PSME4: variants seen among roughly 807,000 people sequenced by gnomAD.
PSME4 encodes proteasome activator subunit 4.
In PSME4, 89 loss-of-function variants were observed where a neutral mutation model predicts 253.9. That is an observed-to-expected ratio of 0.35 (90% CI 0.30 to 0.42). The LOEUF (loss-of-function observed/expected upper bound fraction) is 0.42, where lower values mean the gene tolerates loss of function less well. Among genes scored for constraint, PSME4 ranks in the 10% least tolerant of loss-of-function variants. PSME4 has a pLI of 1.00. For missense variants in PSME4, 2,014 were observed against 2,195.2 expected, an observed-to-expected ratio of 0.92 and a Z score of 1.65; for synonymous variants, 851 against 759.2, an observed-to-expected ratio of 1.12 and a Z score of -1.99.
At chr2:53,901,591 T>C (rs778918510) in intron 27 of PSME4, 32 bp from the exon 28 acceptor site, 8 of 1,548,806 alleles carry the variant, frequency 5.2e-6, no homozygotes, top group Non-Finnish European at 7.1e-6. Context: ...TATGTTTACA[T>C]GGGAAATAAG....
chr2:53,908,080 T>C (rs1667651499), intron 24 of PSME4: 1 of 452,314 alleles, frequency 2.2e-6, no homozygotes, highest in Non-Finnish European at 3.9e-6. Context: ...ATTGTCCAAA[T>C]TCCCATTGAG....
rs752768852 is a variant in PSME4 at position 53,887,435 on chromosome 2, G to A, written c.4553C>T (p.Ser1518Phe). 3.1e-6 allele frequency: 5 copies of A among 1,613,724 alleles called. No homozygotes were observed. The highest frequency in any genetic ancestry group is 4.2e-6 in the Non-Finnish European group (5 of 1,179,700). The change falls in exon 40 of 47, where the codon TCT becomes TTT. Residue 1518 changes from serine (S) to phenylalanine (F), a missense_variant. By Grantham distance (155) the Ser-to-Phe change is radical. This residue lies in a region of PSME4 where 403 missense variants were observed against 556.1 expected (regional missense o/e 0.72). Transcript: ENST00000404125. Reference sequence around the variant, plus strand: ...TATGGTTGGTGTGGTATTTGGCAAAGATACATCTATCATGAATATGTAGGT... The same window carrying A: ...TATGGTTGGTGTGGTATTTGGCAAAAATACATCTATCATGAATATGTAGGT... ...VLTYIFMIDV[S>F]LPNTTPTISP...
intron 20 of PSME4, among the ~76,000 whole-genome samples, chr2:53,910,845 A>G (rs1558675266): frequency 1.3e-5 from 2 of 152,228 alleles, no homozygotes; most frequent in Non-Finnish European, 2.9e-5. Context: ...TCAATTTTCA[A>G]TACTTTATTT....
At chr2:53,918,288 AAATT>A (rs1668147237) in intron 20 of PSME4, among the ~76,000 whole-genome samples, 1 of 152,212 alleles carries the variant, frequency 6.6e-6, no homozygotes, top group South Asian at 2.1e-4. Context: ...TAGTATATTT[AAATT>A]ATTATCTATC....
intron 20 of PSME4, among the ~76,000 whole-genome samples, chr2:53,918,528 A>T (rs1286586575): frequency 1.3e-5 from 2 of 152,022 alleles, no homozygotes; most frequent in African/African-American, 4.8e-5. Flanking sequence ...TTTTTTGTAG[A>T]GACGGGTTTG....
intron 31 of PSME4, 88 bp downstream of exon 31, chr2:53,897,782 A>C: frequency 7.2e-7 from 1 of 1,379,966 alleles, no homozygotes; most frequent in Non-Finnish European, 1.0e-6. Flanking sequence ...TTTATTAACC[A>C]AGTGTGTATT....
chr2:53,925,408 A>C, intron 14 of PSME4, 131 bp downstream of exon 14: 1 of 935,940 alleles, frequency 1.1e-6, no homozygotes, highest in Non-Finnish European at 1.5e-6. Context: ...GCAACTGTAC[A>C]TTTCTTTAAA....
At position 53,949,118 on chromosome 2, in the gene PSME4, C is replaced by T. The variant is rs958531787; in HGVS notation, c.383+25G>A. Reference sequence around the variant, plus strand: ...CCCTGAAGAAACAAACAAACCTTAACAGAAACCTCTGGAAAAAGACTTACT... The same window carrying T: ...CCCTGAAGAAACAAACAAACCTTAATAGAAACCTCTGGAAAAAGACTTACT... On this transcript the variant is annotated intron_variant, in intron 2 of 46. Coordinates refer to ENST00000404125, the MANE Select transcript of PSME4 (RefSeq NM_014614.3). 8 of 1,561,286 alleles carry T rather than the reference C, an allele frequency of 5.1e-6. No homozygotes were observed. In the African/African-American group the frequency reaches 9.6e-5, roughly 19 times the overall value.
At chr2:53,947,551 A>G (rs1669775586) in intron 3 of PSME4, among the ~76,000 whole-genome samples, 1 of 151,924 alleles carries the variant, frequency 6.6e-6, no homozygotes, top group South Asian at 2.1e-4. Context: ...TAAAAACACA[A>G]AAAAATTAGC....
At position 53,921,091 on chromosome 2, in the gene PSME4, T is replaced by C. The variant is rs758546462; in HGVS notation, c.2060A>G (p.Asp687Gly). The C allele has an allele frequency of 1.3e-5, 21 of 1,613,596 alleles. No homozygotes were observed. The highest frequency in any genetic ancestry group is 1.8e-5 in the Non-Finnish European group (21 of 1,179,930). The change falls in exon 18 of 47, where the codon GAT (aspartate) becomes GGT (glycine). Residue 687 changes from aspartate to glycine, a missense_variant. Around this residue, in one of 4 missense-constraint regions of PSME4, gnomAD observed 989 missense variants for 1,021.1 expected, o/e 0.97. Coordinates refer to ENST00000404125, the MANE Select transcript of PSME4 (RefSeq NM_014614.3). The stretch of plus-strand genomic sequence containing the variant: ...CCTATAAAGAAGCAACTTCCTTCCA[T>C]CCACTCGAGTAATCTAAAAGGAGGG... The part of the protein sequence containing the change: ...LQLLSEITRV[D>G]GRKLLLYREQ...
At chr2:53,926,949 G>C (rs1482622986) in intron 12 of PSME4, among the ~76,000 whole-genome samples, 1 of 151,030 alleles carries the variant, frequency 6.6e-6, no homozygotes, top group Non-Finnish European at 1.5e-5. Flanking sequence ...CTCCAGCCTG[G>C]GTGACATAAC....
intron 37 of PSME4, 69 bp downstream of exon 37, chr2:53,890,035 C>T: frequency 8.4e-7 from 1 of 1,192,938 alleles, no homozygotes; most frequent in African/African-American, 1.5e-5. Flanking sequence ...AGATTTCACA[C>T]ACTTTGAGAG....
In PSME4 at chr2:53,919,222, A is replaced by C. The variant is rs1374532234; in HGVS notation, c.2445T>G (p.Thr815=). 1 of 1,604,100 alleles carries C rather than the reference A, an allele frequency of 6.2e-7. No homozygotes were observed. Among genetic ancestry groups the C allele is most frequent in the African/African-American group, 1.3e-5 (1 of 74,236 alleles). Residue 815 remains threonine (T), a synonymous_variant, in exon 20 of 47, where the codon ACT becomes ACG. Coordinates refer to ENST00000404125, the MANE Select transcript of PSME4 (RefSeq NM_014614.3). ...MSRDDILQSL[T]IVHNCLIGSG... is the part of the protein sequence containing the mutation. ...AGCCAATTAAACAGTTGTGCACTAT[A>C]GTCAGACTCTGTAGAATATCATCTC...
chr2:53,883,593 A>C (rs1324451617), intron 41 of PSME4, among the ~76,000 whole-genome samples: 1 of 152,218 alleles, frequency 6.6e-6, no homozygotes, highest in Admixed American at 6.5e-5. Context: ...TGTGGGTTTT[A>C]AACTTTGGAC....
chr2:53,895,488 C>G, intron 33 of PSME4, 95 bp downstream of exon 33: 2 of 1,225,824 alleles, frequency 1.6e-6, no homozygotes, highest in Admixed American at 2.5e-5. Context: ...GATAAAAGAA[C>G]CTTCAAGTGC....
At chr2:53,908,645 T>C in intron 22 of PSME4, 80 bp from the exon 23 acceptor site, 1 of 1,500,332 alleles carries the variant, frequency 6.7e-7, no homozygotes, top group East Asian at 2.3e-5. Context: ...GTCAAGAATC[T>C]ATTAAGAAAA....
At chr2:53,915,644 T>C (rs1668025276) in intron 20 of PSME4, among the ~76,000 whole-genome samples, 1 of 152,164 alleles carries the variant, frequency 6.6e-6, no homozygotes, top group Non-Finnish European at 1.5e-5. Context: ...TTTTTATCAC[T>C]GTACTCTTCT....
chr2:53,922,728 G>A, intron 16 of PSME4, 144 bp from the exon 17 acceptor site: 1 of 1,106,568 alleles, frequency 9.0e-7, no homozygotes, highest in Non-Finnish European at 1.2e-6. Context: ...ATGAAGCTGA[G>A]CTTGTTCCAA....
chr2:53,900,898 A>G (rs1327613315), intron 28 of PSME4, among the ~76,000 whole-genome samples: 1 of 152,202 alleles, frequency 6.6e-6, no homozygotes, highest in East Asian at 1.9e-4. Context: ...AAAATCTGCT[A>G]TAACTCTCAA....
Sources: allele counts gnomAD v4.1 joint callset (sites outside exome capture counted in the v4.1 genomes callset), GRCh38; gene constraint gnomAD v4.1.1; regional missense constraint gnomAD v4.1.1; transcripts MANE v1.5; gene names NCBI Gene and HGNC (gene_info 2026-07-23, HGNC 2026-07-21).